ARHGEF4: variants seen among roughly 807,000 people sequenced by gnomAD.
The protein encoded by ARHGEF4 is APC-stimulated guanine nucleotide exchange factor 1.
ARHGEF4 carries 119 observed loss-of-function variants against 162.0 expected under a neutral mutation model. That is an observed-to-expected ratio of 0.73 (90% CI 0.63 to 0.86). ARHGEF4 has a LOEUF of 0.86. Ranked by LOEUF, ARHGEF4 falls within the 40% of genes least tolerant of loss-of-function variation. ARHGEF4 has a pLI of 0.00. For synonymous variants in ARHGEF4, 1,014 were observed against 979.9 expected (o/e 1.03, Z -0.65); for missense variants, 2,488 against 2,456.0 (o/e 1.01, Z -0.28).
chr2:130,929,021 A>G (rs1382870743), intron 2 of ARHGEF4, among the ~76,000 whole-genome samples: 2 of 151,970 alleles, frequency 1.3e-5, no homozygotes, highest in South Asian at 2.1e-4. Flanking sequence ...TCAGAAATCC[A>G]TTTTTCACCC....
chr2:130,908,872 A>G (rs1483850440), intron 1 of ARHGEF4, among the ~76,000 whole-genome samples: 1 of 152,202 alleles, frequency 6.6e-6, no homozygotes, highest in African/African-American at 2.4e-5. Context: ...AACATGGGCA[A>G]AAGACTTGAA....
rs1681512200 is a variant in ARHGEF4 at position 130,916,562 on chromosome 2, A to T, written c.2616A>T (p.Ala872=). The T allele has an allele frequency of 6.5e-7, 1 of 1,550,234 alleles. No homozygotes were observed. Among genetic ancestry groups the T allele is most frequent in the Non-Finnish European group, 8.7e-7 (1 of 1,146,920 alleles). Residue 872 remains alanine, a synonymous_variant, in exon 2 of 14, where the codon GCA becomes GCT. Coordinates refer to ENST00000409359, the MANE Select transcript of ARHGEF4 (RefSeq NM_001367493.1). The part of the protein sequence containing the change: ...QAAGDRTAGP[A]GAGHTGTSGD... ...CAGGCGACAGGACTGCAGGGCCGGC[A>T]GGAGCGGGGCACACGGGGACCTCAG...
chr2:130,967,459 C>A (rs749378067), intron 4 of ARHGEF4, among the ~76,000 whole-genome samples: 59 of 152,194 alleles, frequency 3.9e-4, no homozygotes, highest in Non-Finnish European at 2.4e-4. Context: ...CGAATTCTCT[C>A]TTCGGGCTTC....
intron 1 of ARHGEF4, among the ~76,000 whole-genome samples, chr2:130,899,569 A>C (rs1680366852): frequency 6.6e-6 from 1 of 152,158 alleles, no homozygotes; most frequent in Non-Finnish European, 1.5e-5. Context: ...CAGAGGGACA[A>C]AGCACACTGG....
intron 4 of ARHGEF4, among the ~76,000 whole-genome samples, chr2:130,982,286 G>A (rs529540230): frequency 7.7e-4 from 117 of 152,212 alleles, no homozygotes; most frequent in African/African-American, 2.7e-3. Flanking sequence ...CACCATGCCC[G>A]GCCTGCGTTT....
At chr2:130,890,557 G>A (rs551806229) in intron 1 of ARHGEF4, among the ~76,000 whole-genome samples, 33 of 133,364 alleles carry the variant, frequency 2.5e-4, no homozygotes, top group African/African-American at 7.4e-4. Context: ...GCGAGACTCC[G>A]TTTAAAAAAA....
chr2:130,917,004 C>T lies in ARHGEF4; in HGVS notation c.3058C>T (p.Pro1020Ser). The T allele has an allele frequency of 1.9e-6, 3 of 1,550,960 alleles. No homozygotes were observed. The highest frequency in any genetic ancestry group is 2.0e-5 in the Admixed American group (1 of 51,012). The change falls in exon 2 of 14, where the codon CCA becomes TCA. Residue 1020 changes from proline to serine, a missense_variant. Around this residue, in one of 6 missense-constraint regions of ARHGEF4, gnomAD observed 1,642 missense variants for 1,481.5 expected, o/e 1.11. Transcript: ENST00000409359. ...STPLSSSLVS[P>S]EHRRKSEPTI... ...ACCTTTGTCCTCCAGTTTAGTTTCT[C>T]CAGAACACAGGAGGAAAAGTGAACC...
intron 1 of ARHGEF4, among the ~76,000 whole-genome samples, chr2:130,872,173 G>T (rs1295652245): frequency 6.6e-6 from 1 of 152,198 alleles, no homozygotes; most frequent in Non-Finnish European, 1.5e-5. Context: ...TCTAGCAGTT[G>T]GCCATGTTGA....
At chr2:131,039,903 C>T in intron 6 of ARHGEF4, 113 bp from the exon 7 acceptor site, 2 of 1,460,882 alleles carry the variant, frequency 1.4e-6, no homozygotes, top group Non-Finnish European at 9.0e-7. Flanking sequence ...CTCAGCCCTG[C>T]GCCCCGTACA....
At chr2:130,872,350 G>T (rs1051514538) in intron 1 of ARHGEF4, among the ~76,000 whole-genome samples, 2 of 152,124 alleles carry the variant, frequency 1.3e-5, no homozygotes, top group African/African-American at 4.8e-5. Flanking sequence ...AGGAGCATGC[G>T]ACTGACGGCA....
intron 4 of ARHGEF4, among the ~76,000 whole-genome samples, chr2:130,975,344 C>T (rs1483105779): frequency 1.3e-5 from 2 of 152,156 alleles, no homozygotes; most frequent in Non-Finnish European, 2.9e-5. Flanking sequence ...AGACAGCAGA[C>T]ACCCACCTGA....
chr2:131,034,832 A>C (rs545310511), intron 5 of ARHGEF4: 84 of 230,968 alleles, frequency 3.6e-4, no homozygotes, highest in South Asian at 3.3e-3. Context: ...GGCGCAGCGC[A>C]GCGCACGCCC....
At chr2:131,035,828 G>A (rs1690236139) in intron 5 of ARHGEF4, 2 of 985,292 alleles carry the variant, frequency 2.0e-6, no homozygotes, top group Non-Finnish European at 2.4e-6. Flanking sequence ...CCCCCACCCT[G>A]CACGTCTGGT....
intron 8 of ARHGEF4, 110 bp from the exon 9 acceptor site, chr2:131,041,120 C>T (rs1690781555): frequency 3.8e-6 from 4 of 1,047,942 alleles, no homozygotes; most frequent in East Asian, 2.5e-5. Flanking sequence ...CCCTAGCCCC[C>T]AGCCCAGCTC....
At chr2:130,880,440 G>A (rs1483171605) in intron 1 of ARHGEF4, among the ~76,000 whole-genome samples, 1 of 152,192 alleles carries the variant, frequency 6.6e-6, no homozygotes, top group African/African-American at 2.4e-5. Context: ...TTGGAGATGT[G>A]GAAGGAGACC....
chr2:130,889,918 C>CTACTGTTT (rs1679759819), intron 1 of ARHGEF4, among the ~76,000 whole-genome samples: 1 of 150,692 alleles, frequency 6.6e-6, no homozygotes, highest in African/African-American at 2.4e-5. Context: ...AGATTTCATT[C>CTACTGTTT]TACTGTTTTC....
intron 4 of ARHGEF4, among the ~76,000 whole-genome samples, chr2:130,961,104 C>T (rs910917016): frequency 2.6e-5 from 4 of 152,168 alleles, no homozygotes; most frequent in African/African-American, 9.7e-5. Context: ...CCCCAGACAG[C>T]GAGAATCCTC....
intron 1 of ARHGEF4, among the ~76,000 whole-genome samples, chr2:130,901,774 G>A (rs1680503977): frequency 6.6e-6 from 1 of 152,128 alleles, no homozygotes; most frequent in African/African-American, 2.4e-5. Flanking sequence ...GCCTGCCCCG[G>A]CCTCCCAAAG....
At position 130,917,228 on chromosome 2, in the gene ARHGEF4, C is replaced by A. The variant is rs532382748; in HGVS notation, c.3282C>A (p.Pro1094=). ...GTPCRPTSPK[P]LSPRPSAQRM... ...CCTGCAGACCCACGAGCCCCAAGCCCCTGAGTCCCAGGCCTAGTGCTCAGC... is the reference window on the plus strand; with the variant it reads ...CCTGCAGACCCACGAGCCCCAAGCCACTGAGTCCCAGGCCTAGTGCTCAGC... The change falls in exon 2 of 14, where the codon CCC becomes CCA. Residue 1094 remains proline, a synonymous_variant. Transcript: ENST00000409359. 7 of 1,550,422 alleles carry A rather than the reference C, an allele frequency of 4.5e-6. No individual in the cohort carries two copies. The Admixed American group carries it at 1.2e-4, about 26-fold the overall frequency.
Sources: gnomAD v4.1 joint callset for allele counts (sites outside exome capture counted in the v4.1 genomes callset) on GRCh38, gnomAD v4.1.1 for gene constraint, gnomAD v4.1.1 regional missense constraint, MANE v1.5 for transcripts, NCBI Gene and HGNC (gene_info 2026-07-23, HGNC 2026-07-21) for gene names.